TMEM223: variants seen among roughly 807,000 people sequenced by gnomAD.
TMEM223 encodes transmembrane protein 223.
TMEM223 carries 14 observed loss-of-function variants against 14.1 expected under a neutral mutation model. The ratio of observed to expected loss-of-function variants is 0.99; its 90% CI spans 0.66 to 1.55. The LOEUF (loss-of-function observed/expected upper bound fraction) is 1.55. Among genes scored for constraint, TMEM223 ranks in the 40% most tolerant of loss-of-function variants. The pLI, the probability that TMEM223 is intolerant of heterozygous loss-of-function variation, is 0.00. For missense variants in TMEM223, 346 were observed against 269.9 expected (o/e 1.28, Z -1.97); for synonymous variants, 145 against 120.5 (o/e 1.20, Z -1.33).
Position 62,779,952 on chromosome 11 carries a change from C to CTACATATATATATATA in TMEM223, c.315-5288_315-5287insTATATATATATATGTA, listed in dbSNP as rs1554996873. On this transcript the variant is annotated intron_variant, in intron 1 of 2. Coordinates refer to the TMEM223 transcript ENST00000528367. ...AAGTGGTGGGATTACAGGCGTGAGCCTATATATATATATATATATATATAT... is the reference window on the plus strand; with the variant it reads ...AAGTGGTGGGATTACAGGCGTGAGCCTACATATATATATATATATATATATATATATATATATATAT... 6.0e-4 allele frequency among the ~76,000 whole-genome samples: 60 copies of CTACATATATATATATA among 99,992 alleles called. 3 individuals are homozygous for CTACATATATATATATA. Among genetic ancestry groups the CTACATATATATATATA allele is most frequent in the African/African-American group, 1.3e-3 (30 of 22,430 alleles). The allele number at this position is 99,992 out of a possible 152,430, so 65.6% of individuals were successfully genotyped here.
downstream of TMEM223, chr11:62,787,196 C>T (rs2084290716): frequency 5.0e-6 from 8 of 1,588,548 alleles, no homozygotes; most frequent in East Asian, 2.3e-5. Flanking sequence ...GGGCCTAGCC[C>T]GGCCTCGCGC....
downstream of TMEM223, among the ~76,000 whole-genome samples, chr11:62,784,067 C>T (rs2084251659): frequency 7.9e-5 from 1 of 12,728 alleles, no homozygotes; most frequent in Admixed American, 1.0e-3. Flanking sequence ...CGGCTCACTG[C>T]AACCTCCACC....
At chr11:62,788,063 T>C (rs2084309568), downstream of TMEM223, 1 of 450,986 alleles carries the variant, frequency 2.2e-6, no homozygotes, top group Non-Finnish European at 4.5e-6. Context: ...GTTCATTTAA[T>C]GCCTATAAAG....
chr11:62,786,450 C>CTT (rs1316730569), downstream of TMEM223: 1 of 1,596,460 alleles, frequency 6.3e-7, no homozygotes, highest in African/African-American at 1.3e-5. Context: ...AGCAGGCTTA[C>CTT]TTTGGAATAT....
Position 62,778,331 on chromosome 11 carries a change from A to G in TMEM223, c.315-3666T>C, listed in dbSNP as rs754521799. Reference sequence around the variant, plus strand: ...GCAAAGGGAACCTGGCACCTCAAGGATCGGGTAAGGGGTGATGTAGGAAAC... The same window carrying G: ...GCAAAGGGAACCTGGCACCTCAAGGGTCGGGTAAGGGGTGATGTAGGAAAC... On this transcript the variant is annotated intron_variant, in intron 1 of 2. Coordinates refer to the TMEM223 transcript ENST00000528367. The G allele has an allele frequency of 6.8e-5, 109 of 1,613,990 alleles. No individual in the cohort carries two copies. The Admixed American group carries it at 1.8e-3, about 26-fold the overall frequency.
chr11:62,786,729 G>A (rs1399075273), downstream of TMEM223: 3 of 1,613,226 alleles, frequency 1.9e-6, no homozygotes, highest in Non-Finnish European at 2.5e-6. Context: ...CTTCTCTTTC[G>A]GTGACCCTGG....
chr11:62,776,868 G>C, intron 1 of TMEM223, among the ~76,000 whole-genome samples: 1 of 149,332 alleles, frequency 6.7e-6, no homozygotes, highest in East Asian at 2.0e-4. Context: ...AAAAAAAAAG[G>C]CCGGGCACAG....
At chr11:62,782,105 C>T in intron 1 of TMEM223, 2 of 1,599,374 alleles carry the variant, frequency 1.3e-6, no homozygotes, top group Non-Finnish European at 1.7e-6. Flanking sequence ...ACCCTCTTCT[C>T]CCAACAGGTG....
At chr11:62,786,757 C>G, downstream of TMEM223, 1 of 1,613,058 alleles carries the variant, frequency 6.2e-7, no homozygotes. Flanking sequence ...CTACCGGGAG[C>G]TCTACGCCTT....
intron 1 of TMEM223, chr11:62,778,855 C>G (rs2084206213): frequency 6.2e-7 from 1 of 1,612,524 alleles, no homozygotes; most frequent in South Asian, 1.1e-5. Context: ...TGCTTCCTGC[C>G]TGTCCTCTGG....
rs1590934983 is a variant in TMEM223 at position 62,779,790 on chromosome 11, C to CG, written c.315-5126_315-5125insC. 4.0e-5 allele frequency among the ~76,000 whole-genome samples: 6 copies of CG among 150,856 alleles called. No individual in the cohort carries two copies. The East Asian group carries it at 1.2e-3, about 30-fold the overall frequency. On this transcript the variant is annotated intron_variant, in intron 1 of 2. Coordinates refer to the TMEM223 transcript ENST00000528367. ...AAGCAATTCTCCCACCTCAGCTTCC[C>CG]AAGTAGCTGGGATTACAGGGGCATA...
At chr11:62,791,265 T>A (rs1024261751) in intron 1 of TMEM223, among the ~76,000 whole-genome samples, 1 of 150,290 alleles carries the variant, frequency 6.7e-6, no homozygotes, top group African/African-American at 2.4e-5. Context: ...GTTTCCCAAT[T>A]TTTTTTTTTG....
At chr11:62,787,257 G>T (rs2084292272), downstream of TMEM223, 3 of 1,566,926 alleles carry the variant, frequency 1.9e-6, no homozygotes, top group East Asian at 2.3e-5. Flanking sequence ...CCGCCCGCCG[G>T]TGGGCGCTCT....
downstream of TMEM223, among the ~76,000 whole-genome samples, chr11:62,784,469 G>C (rs1326403605): frequency 6.7e-6 from 1 of 149,358 alleles, no homozygotes; most frequent in East Asian, 2.0e-4. Context: ...ACCATGCCCG[G>C]CTAATTTTTT....
chr11:62,774,319 G>A (rs375559359), intron 2 of TMEM223, among the ~76,000 whole-genome samples: 46 of 152,126 alleles, frequency 3.0e-4, no homozygotes, highest in East Asian at 2.9e-3. Flanking sequence ...CTTGTGATCC[G>A]CCTGCCTCGG....
rs1399603968 is a variant in TMEM223, at chr11:62,790,890, A to C, written c.342T>G (p.Leu114=). 2 of 1,597,446 alleles carry C rather than the reference A, an allele frequency of 1.3e-6. No homozygotes were observed. Among genetic ancestry groups the C allele is most frequent in the East Asian group, 2.3e-5 (1 of 44,306 alleles). ...AGCGCACAGACCGGAGAGAGAAGAG[A>C]AGACCAGCACCGAGTACGAGGGCTC... is the stretch of plus-strand genomic sequence containing the variant. ...AIGALVLGAG[L]LFSLRSVRSV... is the part of the protein sequence containing the mutation. Residue 114 remains leucine (L), a synonymous_variant, in exon 2 of 2, where the codon CTT becomes CTG. Transcript: ENST00000307366.
At position 62,782,098 on chromosome 11, in the gene TMEM223, C is replaced by T. The variant is rs2084234258; in HGVS notation, c.315-7433G>A. The T allele has an allele frequency of 2.5e-6, 4 of 1,596,556 alleles. No homozygotes were observed. In the South Asian group the frequency reaches 3.4e-5, roughly 14 times the overall value. On this transcript the variant is annotated intron_variant, in intron 1 of 2. Transcript: ENST00000528367. ...TCCCCTCATGTCCCTGTAAGCTACC[C>T]TCTTCTCCCAACAGGTGAAATCTGT...
Position 62,792,005 on chromosome 11 carries a change from C to T in TMEM223, c.-11G>A, listed in dbSNP as rs927053578. ...CCAAGGCGCCGCCATGGCCAGCCGACTTCCGGGGTGGGGCTTCCTGCCGCA... is the reference window on the plus strand; with the variant it reads ...CCAAGGCGCCGCCATGGCCAGCCGATTTCCGGGGTGGGGCTTCCTGCCGCA... On this transcript the variant is annotated 5_prime_UTR_variant, in exon 1 of 2. Transcript: ENST00000307366. The T allele has an allele frequency of 3.6e-5, 55 of 1,512,684 alleles. No individual in the cohort carries two copies. Among genetic ancestry groups the T allele is most frequent in the Non-Finnish European group, 4.7e-5 (53 of 1,125,886 alleles). The allele number at this position is 1,512,684 out of a possible 1,614,324, so 93.7% of individuals were successfully genotyped here. A position where few individuals can be genotyped will look rare whatever the true frequency, so the allele number is the denominator to read the frequency against.
chr11:62,772,989 T>G (rs1199685631), intron 2 of TMEM223, among the ~76,000 whole-genome samples: 1 of 151,628 alleles, frequency 6.6e-6, no homozygotes, highest in Admixed American at 6.6e-5. Flanking sequence ...GTGATTCTCC[T>G]GCCTCAGCCT....
Sources: gnomAD v4.1 joint callset for allele counts (sites outside exome capture counted in the v4.1 genomes callset) on GRCh38, gnomAD v4.1.1 for gene constraint, MANE v1.5 for transcripts, NCBI Gene and HGNC (gene_info 2026-07-23, HGNC 2026-07-21) for gene names.